CTNNA2: variants seen among roughly 807,000 people sequenced by gnomAD.
The protein encoded by CTNNA2 is catenin alpha-2.
A neutral mutation model predicts 101.0 loss-of-function variants in CTNNA2; 42 were observed. The ratio of observed to expected loss-of-function variants is 0.42; its 90% CI spans 0.32 to 0.54. CTNNA2 has a LOEUF of 0.54. Ranked by LOEUF, CTNNA2 falls within the 20% of genes least tolerant of loss-of-function variation. The pLI is 0.14. For synonymous variants in CTNNA2, 450 were observed against 456.4 expected (o/e 0.99, Z 0.18); for missense variants, 871 against 1,223.1 (o/e 0.71, Z 4.29).
At chr2:80,233,321 A>C (rs1355920801) in intron 7 of CTNNA2, among the ~76,000 whole-genome samples, 1 of 151,912 alleles carries the variant, frequency 6.6e-6, no homozygotes, top group Non-Finnish European at 1.5e-5. Flanking sequence ...CCCACCGAAA[A>C]AGAGCAGATG....
intron 3 of CTNNA2, among the ~76,000 whole-genome samples, chr2:79,352,920 C>G (rs1677423841): frequency 6.6e-6 from 1 of 152,128 alleles, no homozygotes; most frequent in Non-Finnish European, 1.5e-5. Flanking sequence ...AAAGGGGAAG[C>G]AGTCCTATAT....
At chr2:79,639,593 T>G (rs1383872401) in intron 1 of CTNNA2, among the ~76,000 whole-genome samples, 3 of 152,158 alleles carry the variant, frequency 2.0e-5, no homozygotes, top group Non-Finnish European at 2.9e-5. Flanking sequence ...TTAAAATTGG[T>G]TGTCTAACTT....
chr2:80,010,229 C>T (rs1458602752), intron 7 of CTNNA2, among the ~76,000 whole-genome samples: 1 of 152,116 alleles, frequency 6.6e-6, no homozygotes, highest in East Asian at 1.9e-4. Context: ...TTGCACCTCC[C>T]AGGACACAGG....
chr2:80,287,770 TC>T (rs1370368251), intron 7 of CTNNA2, among the ~76,000 whole-genome samples: 8 of 152,132 alleles, frequency 5.3e-5, no homozygotes, highest in Admixed American at 5.2e-4. Context: ...CATTTTTCAT[TC>T]CCTAGAGCCC....
At chr2:79,884,827 A>T (rs539630097) in intron 6 of CTNNA2, among the ~76,000 whole-genome samples, 1 of 150,790 alleles carries the variant, frequency 6.6e-6, no homozygotes, top group African/African-American at 2.4e-5. Context: ...GAAATATTGG[A>T]ATGTTAACAT....
At position 79,835,593 on chromosome 2, in the gene CTNNA2, A is replaced by G. The variant is rs564065159; in HGVS notation, c.299-22420A>G. ...GACAGATGTCTTCTGTGTGTCCTTG[A>G]GAGAGTGAGGCCATTAGATGTGAAG... is the stretch of plus-strand genomic sequence containing the variant. On this transcript the variant is annotated intron_variant, in intron 3 of 18. Coordinates refer to ENST00000402739, the MANE Select transcript of CTNNA2 (RefSeq NM_001282597.3). 2.7e-5 allele frequency among the ~76,000 whole-genome samples: 4 copies of G among 146,130 alleles called. No homozygotes were observed. In the South Asian group the frequency reaches 9.2e-4, roughly 34 times the overall value.
intron 2 of CTNNA2, among the ~76,000 whole-genome samples, chr2:79,233,761 G>A (rs891526476): frequency 6.6e-6 from 1 of 152,028 alleles, no homozygotes; most frequent in Admixed American, 6.6e-5. Context: ...TGTTTAAGAT[G>A]TTAAACCTTC....
At position 79,640,381 on chromosome 2, in the gene CTNNA2, A is replaced by G. The variant is rs535041985; in HGVS notation, c.-5-11171A>G. Among the ~76,000 whole-genome samples the G allele has an allele frequency of 1.5e-3, 226 of 152,266 alleles. 1 individual carries two copies. The highest frequency in any genetic ancestry group is 2.7e-3 in the Non-Finnish European group (185 of 68,026). ...CTTTGCACAAAGTTACTCATGTGGA[A>G]ATCAGAACTGAATCAAATATCACTA... is the stretch of plus-strand genomic sequence containing the variant. On this transcript the variant is annotated intron_variant, in intron 1 of 18. Transcript: ENST00000402739.
At chr2:79,732,633 A>G (rs1456912869) in intron 2 of CTNNA2, among the ~76,000 whole-genome samples, 3 of 152,118 alleles carry the variant, frequency 2.0e-5, no homozygotes, top group African/African-American at 7.2e-5. Flanking sequence ...ATTTAAAAGA[A>G]TGGCATACAC....
chr2:79,682,442 A>G (rs547900104), intron 2 of CTNNA2, among the ~76,000 whole-genome samples: 1 of 151,490 alleles, frequency 6.6e-6, no homozygotes, highest in East Asian at 1.9e-4. Flanking sequence ...AGAAGAAAGA[A>G]AAATCTGAAT....
chr2:80,269,057 T>C (rs1673238126), intron 7 of CTNNA2, among the ~76,000 whole-genome samples: 1 of 152,244 alleles, frequency 6.6e-6, no homozygotes, highest in Admixed American at 6.5e-5. Context: ...TTCATGACCA[T>C]AACATAAAGT....
At chr2:79,283,113 C>G (rs78023791) in intron 2 of CTNNA2, among the ~76,000 whole-genome samples, 1 of 70,902 alleles carries the variant, frequency 1.4e-5, no homozygotes, top group African/African-American at 3.6e-5. Context: ...TTGTTTGTTT[C>G]TATCTAGTAA....
chr2:80,212,468 G>C (rs1707959972), intron 7 of CTNNA2, among the ~76,000 whole-genome samples: 2 of 152,136 alleles, frequency 1.3e-5, no homozygotes, highest in African/African-American at 4.8e-5. Context: ...TGCATCTATT[G>C]AGATAATCAT....
At chr2:79,730,937 G>T (rs964087391) in intron 2 of CTNNA2, among the ~76,000 whole-genome samples, 2 of 151,798 alleles carry the variant, frequency 1.3e-5, no homozygotes, top group Non-Finnish European at 2.9e-5. Context: ...ATGCAATGAG[G>T]TTTATATCCA....
intron 4 of CTNNA2, among the ~76,000 whole-genome samples, chr2:79,381,790 C>G (rs532105478): frequency 4.5e-4 from 68 of 152,268 alleles, no homozygotes; most frequent in African/African-American, 1.4e-3. Context: ...TCCATTTGAT[C>G]TGAAGTTTCT....
At chr2:79,246,972 G>A (rs1674708460) in intron 2 of CTNNA2, among the ~76,000 whole-genome samples, 2 of 152,162 alleles carry the variant, frequency 1.3e-5, no homozygotes, top group Non-Finnish European at 1.5e-5. Flanking sequence ...TAGGGCTCAT[G>A]GCCTTTGGTT....
At chr2:79,324,972 G>A (rs971674635) in intron 3 of CTNNA2, among the ~76,000 whole-genome samples, 4 of 152,084 alleles carry the variant, frequency 2.6e-5, no homozygotes, top group South Asian at 2.1e-4. Context: ...CTGATAAAAC[G>A]GAGCTACATA....
intron 7 of CTNNA2, among the ~76,000 whole-genome samples, chr2:79,929,868 T>C (rs181144679): frequency 9.9e-5 from 15 of 152,260 alleles, no homozygotes; most frequent in Admixed American, 2.0e-4. Context: ...TCTGGCTGAG[T>C]AGGTCATTTA....
chr2:79,688,720 T>G (rs1318623759), intron 2 of CTNNA2, among the ~76,000 whole-genome samples: 2 of 152,056 alleles, frequency 1.3e-5, no homozygotes, highest in Non-Finnish European at 2.9e-5. Flanking sequence ...ATTTTCCAAT[T>G]AAAGCAATGA....
Sources: allele counts gnomAD v4.1 joint callset (sites outside exome capture counted in the v4.1 genomes callset), GRCh38; gene constraint gnomAD v4.1.1; transcripts MANE v1.5; gene names NCBI Gene and HGNC (gene_info 2026-07-23, HGNC 2026-07-21).